Variants in PKD1L1 observed in about 807,000 individuals in gnomAD.
PKD1L1 encodes polycystin 1 like 1, transient receptor potential channel interacting, also known as polycystin-1-like protein 1.
A neutral mutation model predicts 323.4 loss-of-function variants in PKD1L1; 236 were observed. The ratio of observed to expected loss-of-function variants is 0.73; its 90% confidence interval spans 0.66 to 0.81. The LOEUF is 0.81. Ranked by LOEUF, PKD1L1 falls within the 40% of genes least tolerant of loss-of-function variation. The probability of loss-of-function intolerance (pLI) is 0.00; values close to 1 mark genes in which losing one functional copy is unlikely to be tolerated. For missense variants in PKD1L1, 3,320 were observed against 3,508.0 expected, an observed-to-expected ratio of 0.95 and a Z score of 1.35; for synonymous variants, 1,344 against 1,335.0, an observed-to-expected ratio of 1.01 and a Z score of -0.15.
At chr7:47,790,475 C>T (rs527679358) in intron 56 of PKD1L1, among the ~76,000 whole-genome samples, 1 of 151,750 alleles carries the variant, frequency 6.6e-6, no homozygotes, top group Non-Finnish European at 1.5e-5. Context: ...GGACTACAGG[C>T]GCCCGCCACC....
chr7:47,927,477 G>T (rs1043114948), intron 7 of PKD1L1, among the ~76,000 whole-genome samples: 1 of 152,038 alleles, frequency 6.6e-6, no homozygotes, highest in Admixed American at 6.6e-5. Context: ...TGTTGGTCAG[G>T]CTGGTCTCGA....
At chr7:47,831,883 C>G (rs1227082958) in intron 41 of PKD1L1, among the ~76,000 whole-genome samples, 2 of 152,176 alleles carry the variant, frequency 1.3e-5, no homozygotes, top group African/African-American at 4.8e-5. Flanking sequence ...GGATCAAGTC[C>G]CACACACCAC....
intron 24 of PKD1L1, among the ~76,000 whole-genome samples, chr7:47,873,125 T>C (rs896024072): frequency 6.6e-6 from 1 of 152,194 alleles, no homozygotes. Context: ...AACCTGTAGA[T>C]ATTAAATAGA....
chr7:47,887,814 C>A (rs750775755), intron 17 of PKD1L1, among the ~76,000 whole-genome samples, 176 bp downstream of exon 17: 3 of 152,220 alleles, frequency 2.0e-5, no homozygotes, highest in Non-Finnish European at 4.4e-5. Flanking sequence ...TGGTGCCTCA[C>A]AAGTGTTCAC....
At chr7:47,793,108 G>A (rs1416451153) in intron 55 of PKD1L1, among the ~76,000 whole-genome samples, 2 of 151,800 alleles carry the variant, frequency 1.3e-5, no homozygotes, top group Non-Finnish European at 2.9e-5. Flanking sequence ...GGGAAAATAA[G>A]GTCATTCTTT....
At chr7:47,878,518 ACTGTTC>A (rs1786458204) in intron 21 of PKD1L1, among the ~76,000 whole-genome samples, 1 of 152,242 alleles carries the variant, frequency 6.6e-6, no homozygotes, top group Admixed American at 6.5e-5. Flanking sequence ...CCTGCTAGAC[ACTGTTC>A]CTGTATTATC....
intron 56 of PKD1L1, among the ~76,000 whole-genome samples, chr7:47,788,886 C>T (rs1412042849): frequency 1.3e-5 from 2 of 151,990 alleles, no homozygotes; most frequent in South Asian, 2.1e-4. Context: ...TGTAAGCCAC[C>T]GTGCTTGGCC....
chr7:47,776,795 G>A (rs1786578451), intron 56 of PKD1L1, among the ~76,000 whole-genome samples: 1 of 152,202 alleles, frequency 6.6e-6, no homozygotes, highest in South Asian at 2.1e-4. Flanking sequence ...CAGGAGCAAA[G>A]ACATTGCTCC....
chr7:47,891,138 A>G (rs540724079), intron 15 of PKD1L1, among the ~76,000 whole-genome samples: 1 of 152,296 alleles, frequency 6.6e-6, no homozygotes, highest in Admixed American at 6.5e-5. Flanking sequence ...GCACCCCATC[A>G]TCATGACAGC....
At chr7:47,811,762 T>G in intron 50 of PKD1L1, 55 bp downstream of exon 50, 1 of 1,434,070 alleles carries the variant, frequency 7.0e-7, no homozygotes, top group Non-Finnish European at 9.6e-7. Flanking sequence ...CCAGCCCAGG[T>G]GAAGCCCCAT....
intron 8 of PKD1L1, among the ~76,000 whole-genome samples, chr7:47,915,228 C>T (rs1428851929): frequency 6.6e-6 from 1 of 152,196 alleles, no homozygotes; most frequent in Non-Finnish European, 1.5e-5. Context: ...CCTCCTTGGG[C>T]TAAGGAATCC....
intron 31 of PKD1L1, 69 bp from the exon 32 acceptor site, chr7:47,847,140 GCAGA>G: frequency 7.7e-6 from 10 of 1,297,678 alleles, no homozygotes; most frequent in East Asian, 5.3e-5. Context: ...CATTTCAAAC[GCAGA>G]CAGAGTAGGC....
rs142163894 is a variant in PKD1L1 at position 47,854,145 on chromosome 7, A to T, written c.4859+737T>A. On this transcript the variant is annotated intron_variant, in intron 30 of 56. Transcript: ENST00000289672. ...TGGCAGAATGAGAGTCAGGCCAATA[A>T]GCAGAGATTAAACTGCGTGCTAAGG... is the stretch of plus-strand genomic sequence containing the variant. Among the ~76,000 whole-genome samples the T allele has an allele frequency of 3.3e-3, 497 of 152,330 alleles. 2 individuals are homozygous for T. Among genetic ancestry groups the T allele is most frequent in the South Asian group, 0.015 (71 of 4,822 alleles).
intron 52 of PKD1L1, 43 bp downstream of exon 52, chr7:47,808,204 A>G (rs745508705): frequency 6.2e-7 from 1 of 1,601,798 alleles, no homozygotes; most frequent in Middle Eastern, 1.7e-4. Flanking sequence ...ATGGCATCAC[A>G]GTGCATGGCC....
At chr7:47,900,140 G>A (rs1204462981) in intron 13 of PKD1L1, among the ~76,000 whole-genome samples, 2 of 152,006 alleles carry the variant, frequency 1.3e-5, no homozygotes, top group African/African-American at 4.8e-5. Flanking sequence ...ATCATTCTAA[G>A]ATTTGTCACA....
intron 19 of PKD1L1, among the ~76,000 whole-genome samples, chr7:47,883,937 TAGA>T (rs1786621858): frequency 6.6e-6 from 1 of 152,246 alleles, no homozygotes. Flanking sequence ...GTTCATTCGA[TAGA>T]TGAATAAGTC....
chr7:47,813,450 GTCTACAGACT>G, intron 48 of PKD1L1, 157 bp from the exon 49 acceptor site: 1 of 821,056 alleles, frequency 1.2e-6, no homozygotes. Flanking sequence ...CTGTTTCGTG[GTCTACAGACT>G]CTAGCTCAAG....
intron 13 of PKD1L1, among the ~76,000 whole-genome samples, 182 bp downstream of exon 13, chr7:47,902,197 C>A (rs1025037058): frequency 1.3e-5 from 2 of 152,168 alleles, no homozygotes; most frequent in Admixed American, 6.5e-5. Flanking sequence ...CCCTCCCTCC[C>A]CTGAGGACCC....
At chr7:47,944,271 T>C (rs1237260467) in intron 1 of PKD1L1, among the ~76,000 whole-genome samples, 1 of 152,028 alleles carries the variant, frequency 6.6e-6, no homozygotes, top group African/African-American at 2.4e-5. Context: ...TCTCCTCCCC[T>C]CCTCTTGCTC....
Sources: allele counts gnomAD v4.1 joint callset (sites outside exome capture counted in the v4.1 genomes callset), GRCh38; gene constraint gnomAD v4.1.1; transcripts MANE v1.5; gene names NCBI Gene and HGNC (gene_info 2026-07-23, HGNC 2026-07-21).